The following GNPTAB variants were observed in gnomAD, a reference collection of about 807,000 sequenced individuals.
GNPTAB encodes the protein N-acetylglucosamine-1-phosphate transferase subunits alpha and beta, also known as N-acetylglucosamine-1-phosphotransferase subunits alpha/beta.
GNPTAB carries 92 observed loss-of-function variants against 136.6 expected under a neutral mutation model. The observed-to-expected ratio is 0.67, with a 90% CI of 0.57 to 0.80. GNPTAB has a LOEUF of 0.80. GNPTAB is among the 30% of genes least tolerant of loss of function. GNPTAB has a pLI of 0.00. For synonymous variants in GNPTAB, 512 were observed against 535.1 expected (o/e 0.96, Z 0.60); for missense variants, 1,343 against 1,501.8 (o/e 0.89, Z 1.75).
chr12:101,750,844 C>G (rs1451702515), intron 19 of GNPTAB, among the ~76,000 whole-genome samples: 2 of 152,194 alleles, frequency 1.3e-5, no homozygotes, highest in East Asian at 3.8e-4. Flanking sequence ...CAGGGTCTGC[C>G]AATTTCCCTT....
intron 19 of GNPTAB, 30 bp from the exon 20 acceptor site, chr12:101,749,221 CTTCTGT>C: frequency 7.8e-7 from 1 of 1,277,192 alleles, no homozygotes; most frequent in Non-Finnish European, 1.1e-6. Context: ...CAACTATGTA[CTTCTGT>C]ATATGGTTTC....
At position 101,747,229 on chromosome 12, in the gene GNPTAB, T is replaced by TCTGGG. The variant is rs1952746903; in HGVS notation, c.3705_3706insCCCAG (p.Lys1236ProfsTer50). 1 of 1,568,382 alleles carries TCTGGG rather than the reference T, an allele frequency of 6.4e-7. No homozygotes were observed. The highest frequency in any genetic ancestry group is 1.4e-5 in the African/African-American group (1 of 74,050). ...CTCCTTCTGGGAAATATCTTCCGCTTAAGTGCAATTAACTAAATGATGAAA... is the reference window on the plus strand; with the variant it reads ...CTCCTTCTGGGAAATATCTTCCGCTTCTGGGAAGTGCAATTAACTAAATGATGAAA... On this transcript the variant is annotated frameshift_variant, in exon 21 of 21. Coordinates refer to ENST00000299314, the MANE Select transcript of GNPTAB (RefSeq NM_024312.5). LOFTEE classifies it high-confidence loss of function.
chr12:101,787,647 A>G (rs1868732701), intron 4 of GNPTAB, among the ~76,000 whole-genome samples: 2 of 152,050 alleles, frequency 1.3e-5, no homozygotes, highest in South Asian at 4.2e-4. Flanking sequence ...GGATGCGGTG[A>G]CTCACGCCTG....
At chr12:101,763,450 A>AC (rs1566072891) in intron 13 of GNPTAB, among the ~76,000 whole-genome samples, 1 of 146,922 alleles carries the variant, frequency 6.8e-6, no homozygotes, top group Non-Finnish European at 1.5e-5. Flanking sequence ...AGACTGTATG[A>AC]TTTTTTTTTT....
intron 5 of GNPTAB, among the ~76,000 whole-genome samples, chr12:101,785,064 T>C (rs1023302776): frequency 6.6e-5 from 10 of 152,204 alleles, no homozygotes; most frequent in African/African-American, 2.4e-4. Flanking sequence ...GTCTTATAAA[T>C]AACAGAAATC....
chr12:101,823,609 CAAA>C (rs5800490), intron 1 of GNPTAB, among the ~76,000 whole-genome samples: 1,143 of 91,344 alleles, frequency 0.013, 17 homozygotes, highest in African/African-American at 0.045. Context: ...GACTCCGTCT[CAAA>C]AAAAAAAAAA....
intron 2 of GNPTAB, chr12:101,796,233 G>A (rs1362147584): frequency 1.4e-6 from 1 of 702,344 alleles, no homozygotes; most frequent in African/African-American, 1.7e-5. Context: ...TCATCCTACA[G>A]GGGGATGAAA....
chr12:101,761,024 A>C (rs1317774662), intron 15 of GNPTAB, 103 bp downstream of exon 15: 1 of 840,600 alleles, frequency 1.2e-6, no homozygotes, highest in African/African-American at 1.7e-5. Context: ...CAGCTGCCTC[A>C]GCATCCCAAA....
intron 12 of GNPTAB, 73 bp downstream of exon 12, chr12:101,766,018 G>T: frequency 8.2e-7 from 1 of 1,217,556 alleles, no homozygotes; most frequent in Non-Finnish European, 1.2e-6. Context: ...AATAACAAAA[G>T]CCATTCAAAA....
At chr12:101,802,922 C>G (rs1446039347) in intron 1 of GNPTAB, among the ~76,000 whole-genome samples, 1 of 152,122 alleles carries the variant, frequency 6.6e-6, no homozygotes, top group African/African-American at 2.4e-5. Context: ...GATGGAGACT[C>G]CCGGACATAA....
Position 101,768,152 on chromosome 12 carries a change from C to G in GNPTAB, c.1293G>C (p.Leu431Phe). 1.2e-6 allele frequency: 2 copies of G among 1,614,132 alleles called. No homozygotes were observed. Among genetic ancestry groups the G allele is most frequent in the South Asian group, 1.1e-5 (1 of 91,076 alleles). The change falls in exon 11 of 21, where the codon TTG (leucine) becomes TTC (phenylalanine). Residue 431 changes from leucine to phenylalanine, a missense_variant. By Grantham distance (22) the Leu-to-Phe change is conservative (BLOSUM62 0). Transcript: ENST00000299314. ...CGGCACAGTTTGGCACAGGCCATGTCAAATAAACCTACGATAAAACCAAAG... is the reference window on the plus strand; with the variant it reads ...CGGCACAGTTTGGCACAGGCCATGTGAAATAAACCTACGATAAAACCAAAG... Reference protein sequence around the residue: ...YSHSKGQKVYLTWPVPNCAEG... With the variant: ...YSHSKGQKVYFTWPVPNCAEG...
At chr12:101,767,517 A>T (rs1953111802) in intron 11 of GNPTAB, among the ~76,000 whole-genome samples, 1 of 152,234 alleles carries the variant, frequency 6.6e-6, no homozygotes, top group Non-Finnish European at 1.5e-5. Flanking sequence ...CATATTTTAA[A>T]TAAGAAGACA....
intron 1 of GNPTAB, among the ~76,000 whole-genome samples, chr12:101,816,266 T>A (rs1870506189): frequency 6.6e-6 from 1 of 152,130 alleles, no homozygotes; most frequent in South Asian, 2.1e-4. Flanking sequence ...ACCTACAGAA[T>A]GAGAAAAATT....
chr12:101,766,693 T>C (rs548359432), intron 11 of GNPTAB, among the ~76,000 whole-genome samples: 1 of 152,156 alleles, frequency 6.6e-6, no homozygotes, highest in East Asian at 1.9e-4. Flanking sequence ...GTTTTCAAGG[T>C]TGATGTGTAA....
intron 1 of GNPTAB, among the ~76,000 whole-genome samples, chr12:101,804,085 T>C (rs1216236085): frequency 2.6e-5 from 4 of 151,844 alleles, no homozygotes; most frequent in Non-Finnish European, 5.9e-5. Flanking sequence ...AAAAAAAATT[T>C]TTAAAGTTAG....
Position 101,757,584 on chromosome 12 carries a change from T to C in GNPTAB, c.3323A>G (p.Lys1108Arg). 1.3e-6 allele frequency: 2 copies of C among 1,522,998 alleles called. No individual in the cohort carries two copies. Among genetic ancestry groups the C allele is most frequent in the Non-Finnish European group, 1.8e-6 (2 of 1,097,184 alleles). 94.3% of individuals were successfully genotyped at this position (1,522,998 alleles called of 1,614,324 possible). A position where few individuals can be genotyped will look rare whatever the true frequency, so the allele number is the denominator to read the frequency against. The change falls in exon 17 of 21, where the codon AAA (lysine) becomes AGA (arginine). Residue 1108 changes from lysine to arginine, a missense_variant. Coordinates refer to ENST00000299314, the MANE Select transcript of GNPTAB (RefSeq NM_024312.5). ...GTGTACTACTTACCTATATTTGTTT[T>C]TGTCCTTATATGCTTTGTGGATTTT... is the stretch of plus-strand genomic sequence containing the variant. ...TDKIHKAYKDKNKYRFEIMGE... is the reference protein window; with the variant it reads ...TDKIHKAYKDRNKYRFEIMGE...
chr12:101,748,980 C>T, intron 20 of GNPTAB, 121 bp downstream of exon 20: 1 of 696,258 alleles, frequency 1.4e-6, no homozygotes, highest in Non-Finnish European at 2.6e-6. Context: ...CACATATGAG[C>T]TATAAGACAA....
chr12:101,819,999 A>G (rs889174626), intron 1 of GNPTAB, among the ~76,000 whole-genome samples: 1 of 152,192 alleles, frequency 6.6e-6, no homozygotes, highest in Non-Finnish European at 1.5e-5. Flanking sequence ...AAAGATTAAG[A>G]GGCATAAGCT....
intron 13 of GNPTAB, among the ~76,000 whole-genome samples, 198 bp downstream of exon 13, chr12:101,764,004 C>G (rs899443972): frequency 6.6e-6 from 1 of 152,132 alleles, no homozygotes; most frequent in Non-Finnish European, 1.5e-5. Context: ...AAAATGGGGA[C>G]AGCAATAATA....
Sources: gnomAD v4.1 joint callset for allele counts (sites outside exome capture counted in the v4.1 genomes callset) on GRCh38, gnomAD v4.1.1 for gene constraint, MANE v1.5 for transcripts, NCBI Gene and HGNC (gene_info 2026-07-23, HGNC 2026-07-21) for gene names.